The following KLHDC10 variants were observed in gnomAD, a reference collection of about 807,000 sequenced individuals.
KLHDC10 encodes the protein kelch domain containing 10.
In KLHDC10, 24 loss-of-function variants were observed where a neutral mutation model predicts 56.1. The ratio of observed to expected loss-of-function variants is 0.43; its 90% CI spans 0.31 to 0.60. KLHDC10 has a LOEUF of 0.60. Ranked by LOEUF, KLHDC10 falls within the 20% of genes least tolerant of loss-of-function variation. The probability of loss-of-function intolerance (pLI) is 0.11; values close to 1 mark genes in which losing one functional copy is unlikely to be tolerated. For synonymous variants in KLHDC10, 188 were observed against 207.1 expected (o/e 0.91, Z 0.79); for missense variants, 349 against 567.0 (o/e 0.62, Z 3.91).
At chr7:130,124,596 A>C (rs10268115) in intron 6 of KLHDC10, 61 bp downstream of exon 6, 1 of 832,404 alleles carries the variant, frequency 1.2e-6, no homozygotes, top group Non-Finnish European at 2.0e-6. Context: ...GCTTGCGTCA[A>C]CCAAGCAAGA....
intron 1 of KLHDC10, among the ~76,000 whole-genome samples, chr7:130,083,257 A>G (rs947402283): frequency 2.6e-5 from 4 of 152,316 alleles, no homozygotes; most frequent in Admixed American, 2.6e-4. Flanking sequence ...AAATGTGGGA[A>G]TCACATTAGA....
chr7:130,084,816 G>A (rs2116851585), intron 1 of KLHDC10, among the ~76,000 whole-genome samples: 1 of 151,776 alleles, frequency 6.6e-6, no homozygotes, highest in African/African-American at 2.4e-5. Flanking sequence ...TTGAGCAATT[G>A]GATAGATGAC....
intron 2 of KLHDC10, among the ~76,000 whole-genome samples, chr7:130,105,093 C>T (rs1368288620): frequency 6.6e-6 from 1 of 152,176 alleles, no homozygotes; most frequent in African/African-American, 2.4e-5. Flanking sequence ...AAAAGACTGA[C>T]AGTGGCAATA....
At position 130,125,312 on chromosome 7, in the gene KLHDC10, C is replaced by T. The variant is rs555121941; in HGVS notation, c.865-553C>T. Among the ~76,000 whole-genome samples the T allele has an allele frequency of 2.6e-5, 4 of 152,158 alleles. No individual in the cohort carries two copies. The East Asian group carries it at 5.8e-4, about 22-fold the overall frequency. On this transcript the variant is annotated intron_variant, in intron 6 of 9. Transcript: ENST00000335420. ...ATCCCAGCCCTTTGGGAGGCCGAGG[C>T]GGGCGGATCACCTGAGGTTGGGAGT...
At chr7:130,125,558 A>G (rs1389378217) in intron 6 of KLHDC10, among the ~76,000 whole-genome samples, 2 of 152,032 alleles carry the variant, frequency 1.3e-5, no homozygotes, top group Non-Finnish European at 2.9e-5. Context: ...AATATAAAAT[A>G]AAAATTGAAA....
At chr7:130,071,284 G>C (rs1228702341) in intron 1 of KLHDC10, among the ~76,000 whole-genome samples, 1 of 152,234 alleles carries the variant, frequency 6.6e-6, no homozygotes, top group Non-Finnish European at 1.5e-5. Context: ...ACGGAAGAAA[G>C]GGGTGGGGGA....
Position 130,130,557 on chromosome 7 carries a change from T to C in KLHDC10, c.1140T>C (p.His380=), listed in dbSNP as rs1796386940. ...AVTPAGCMYI[H]GGVVNIHENK... ...CATAGGCTGGTTGCATGTACATTCA[T>C]GGAGGAGTGGTGAACATCCATGAAA... Residue 380 remains histidine (H), a synonymous_variant, in exon 10 of 10, where the codon CAT becomes CAC. Coordinates refer to ENST00000335420, the MANE Select transcript of KLHDC10 (RefSeq NM_014997.4). This position sits in a 1 kb window ranked among gnomAD's most constrained non-coding sequence, Gnocchi z 4.2. The C allele has an allele frequency of 1.9e-6, 3 of 1,613,976 alleles. No individual in the cohort carries two copies. Among genetic ancestry groups the C allele is most frequent in the South Asian group, 2.2e-5 (2 of 91,080 alleles).
chr7:130,129,807 T>G (rs1796371503), intron 9 of KLHDC10, among the ~76,000 whole-genome samples: 1 of 152,144 alleles, frequency 6.6e-6, no homozygotes, highest in African/African-American at 2.4e-5. Flanking sequence ...CCTGTGGCAT[T>G]CCGGCCCTGA....
At chr7:130,093,963 G>A (rs557951162) in intron 1 of KLHDC10, among the ~76,000 whole-genome samples, 10 of 151,982 alleles carry the variant, frequency 6.6e-5, no homozygotes, top group South Asian at 2.1e-4. Context: ...TCACTCTGTC[G>A]CCCAGAGTGG....
At chr7:130,115,398 A>G (rs1323147421) in intron 2 of KLHDC10, among the ~76,000 whole-genome samples, 1 of 152,074 alleles carries the variant, frequency 6.6e-6, no homozygotes, top group Admixed American at 6.6e-5. Flanking sequence ...TTTTACTCTA[A>G]AATAACCTTG....
rs1796448136 is a variant in KLHDC10 at position 130,134,923 on chromosome 7, C to G, written c.*4177C>G. 1 of 152,036 alleles carries G rather than the reference C, an allele frequency of 6.6e-6. No homozygotes were observed. The highest frequency in any genetic ancestry group is 2.4e-5 in the African/African-American group (1 of 41,376). 9.4% of individuals were successfully genotyped at this position (152,036 alleles called of 1,614,324 possible). A position where few individuals can be genotyped will look rare whatever the true frequency, so the allele number is the denominator to read the frequency against. On this transcript the variant is annotated 3_prime_UTR_variant, in exon 10 of 10. Transcript: ENST00000335420. ...TAGGCTTCATAGAGTTCTAGGACTT[C>G]CGTGTGCGTTGCCACCAGATCCTGC...
chr7:130,121,081 GTTCTT>G (rs1310597606), intron 4 of KLHDC10, among the ~76,000 whole-genome samples, 178 bp downstream of exon 4: 2 of 151,626 alleles, frequency 1.3e-5, no homozygotes, highest in Non-Finnish European at 2.9e-5. Context: ...TACTTGCTGT[GTTCTT>G]TTCTTTTCTC....
chr7:130,077,376 A>C (rs1189102527), intron 1 of KLHDC10, among the ~76,000 whole-genome samples: 14 of 149,026 alleles, frequency 9.4e-5, no homozygotes, highest in African/African-American at 2.7e-4. Context: ...AAAAAAAAAA[A>C]AAAAAACAGT....
At chr7:130,072,699 A>G (rs1584614215) in intron 1 of KLHDC10, among the ~76,000 whole-genome samples, 1 of 152,106 alleles carries the variant, frequency 6.6e-6, no homozygotes, top group Non-Finnish European at 1.5e-5. Context: ...GAGGAATAGG[A>G]TGTCTAGGCT....
intron 2 of KLHDC10, among the ~76,000 whole-genome samples, chr7:130,104,595 C>T (rs1795983502): frequency 6.6e-6 from 1 of 152,100 alleles, no homozygotes; most frequent in Non-Finnish European, 1.5e-5. Context: ...AGACTGGGTA[C>T]TTTATAAAGA....
chr7:130,098,033 T>C lies in KLHDC10; in HGVS notation c.253+1026T>C, dbSNP rs1795875279. 2.0e-5 allele frequency among the ~76,000 whole-genome samples: 3 copies of C among 152,216 alleles called. No individual in the cohort carries two copies. The South Asian group carries it at 6.2e-4, about 32-fold the overall frequency. On this transcript the variant is annotated intron_variant, in intron 2 of 9. Transcript: ENST00000335420. Reference sequence around the variant, plus strand: ...AATTTTAACTGGAGTTTTTTTTTTTTTAACCTAGGAAAAAATCCTGCAACT... The same window carrying C: ...AATTTTAACTGGAGTTTTTTTTTTTCTAACCTAGGAAAAAATCCTGCAACT...
intron 8 of KLHDC10, among the ~76,000 whole-genome samples, chr7:130,128,889 A>AAAAAAAAAAAAAATATATATAT: frequency 1.5e-5 from 1 of 66,956 alleles, no homozygotes; most frequent in African/African-American, 7.3e-5. Flanking sequence ...AAAAAAAAAA[A>AAAAAAAAAAAAAATATATATAT]ATATATATAT....
chr7:130,104,180 T>C (rs903687550), intron 2 of KLHDC10, among the ~76,000 whole-genome samples: 5 of 152,196 alleles, frequency 3.3e-5, no homozygotes, highest in Admixed American at 2.0e-4. Flanking sequence ...TGTCTTTACA[T>C]TGAGAAAGCT....
In KLHDC10 at chr7:130,116,757, A is replaced by G. The variant is rs904458442; in HGVS notation, c.475+91A>G. The G allele has an allele frequency of 3.0e-5, 33 of 1,083,178 alleles. No homozygotes were observed. The African/African-American group carries it at 5.0e-4, about 16-fold the overall frequency. The allele number at this position is 1,083,178 out of a possible 1,614,324, so 67.1% of individuals were successfully genotyped here. ...ATATTCCTCATTAATAATTTATAAC[A>G]CTATAATGTGATTTCGCCCTGTGGG... On this transcript the variant is annotated intron_variant, in intron 3 of 9. Coordinates refer to ENST00000335420, the MANE Select transcript of KLHDC10 (RefSeq NM_014997.4). This position sits in a 1 kb window ranked among gnomAD's most constrained non-coding sequence, Gnocchi z 4.8.
Sources: allele counts gnomAD v4.1 joint callset (sites outside exome capture counted in the v4.1 genomes callset), GRCh38; gene constraint gnomAD v4.1.1; non-coding constraint Gnocchi (gnomAD v3.1); transcripts MANE v1.5; gene names NCBI Gene and HGNC (gene_info 2026-07-23, HGNC 2026-07-21).